Variants in CNGA1 observed in about 807,000 individuals in gnomAD.
CNGA1 encodes the protein cyclic nucleotide gated channel subunit alpha 1, also known as cyclic nucleotide-gated channel alpha-1.
In CNGA1, 53 loss-of-function variants were observed where a neutral mutation model predicts 69.7. The observed-to-expected ratio is 0.76, with a 90% CI of 0.61 to 0.96. The LOEUF (loss-of-function observed/expected upper bound fraction) is 0.96, where lower values mean the gene tolerates loss of function less well. Ranked by LOEUF, CNGA1 falls within the 40% of genes least tolerant of loss-of-function variation. CNGA1 has a pLI of 0.00. For synonymous variants in CNGA1, 249 were observed against 283.5 expected (o/e 0.88, Z 1.22); for missense variants, 739 against 811.2 (o/e 0.91, Z 1.08).
intron 9 of CNGA1, among the ~76,000 whole-genome samples, chr4:47,941,400 T>G (rs577186545): frequency 2.6e-5 from 4 of 152,352 alleles, no homozygotes; most frequent in African/African-American, 7.2e-5. Flanking sequence ...AGGTTCGTAT[T>G]GACTATCTGT....
intron 2 of CNGA1, among the ~76,000 whole-genome samples, chr4:48,001,201 C>T (rs1248382784): frequency 1.3e-5 from 2 of 152,182 alleles, no homozygotes; most frequent in African/African-American, 2.4e-5. Context: ...CACGGTGGCT[C>T]AGGCCTGTAA....
chr4:47,977,828 AT>A (rs11415776), intron 3 of CNGA1, among the ~76,000 whole-genome samples: 14 of 148,574 alleles, frequency 9.4e-5, no homozygotes, highest in Middle Eastern at 3.5e-3. Context: ...CATTTAAGTG[AT>A]TTTTTTTTTT....
intron 2 of CNGA1, among the ~76,000 whole-genome samples, chr4:48,003,863 C>G (rs1276857143): frequency 2.0e-5 from 3 of 152,162 alleles, no homozygotes; most frequent in African/African-American, 4.8e-5. Context: ...CAAGGAAAAA[C>G]ACCTGCTACT....
At chr4:47,999,654 T>C (rs1053239675) in intron 2 of CNGA1, among the ~76,000 whole-genome samples, 3 of 152,138 alleles carry the variant, frequency 2.0e-5, no homozygotes, top group Non-Finnish European at 4.4e-5. Context: ...GTGGATCACC[T>C]GAGGTCAGGA....
At chr4:47,940,996 G>C in intron 9 of CNGA1, 127 bp from the exon 10 acceptor site, 1 of 645,518 alleles carries the variant, frequency 1.5e-6, no homozygotes, top group East Asian at 2.8e-5. Flanking sequence ...GAGGTCCTTA[G>C]AGTCCTTTAA....
rs1178750869 is a variant in CNGA1 at position 47,936,037 on chromosome 4, T to G, written c.*384A>C. On this transcript the variant is annotated 3_prime_UTR_variant, in exon 11 of 11. Transcript: ENST00000514170. ...TTTAAAAATGTTATCCCAAATATGA[T>G]GTACATGGTAATTCTCAGTTACTTC... The G allele has an allele frequency of 4.9e-6, 1 of 202,318 alleles. No homozygotes were observed. Among genetic ancestry groups the G allele is most frequent in the African/African-American group, 2.3e-5 (1 of 42,704 alleles). The allele number at this position is 202,318 out of a possible 1,614,324, so 12.5% of individuals were successfully genotyped here.
chr4:47,996,953 A>C (rs1473411388), intron 2 of CNGA1, among the ~76,000 whole-genome samples: 2 of 152,060 alleles, frequency 1.3e-5, no homozygotes, highest in Non-Finnish European at 2.9e-5. Flanking sequence ...CCAGCTACTC[A>C]GGAGGCTGAG....
intron 3 of CNGA1, among the ~76,000 whole-genome samples, chr4:47,963,544 A>G (rs1482865147): frequency 6.6e-6 from 1 of 152,220 alleles, no homozygotes; most frequent in Non-Finnish European, 1.5e-5. Context: ...CCTGAATAAC[A>G]TTTGCTTCAC....
chr4:47,959,760 T>C (rs1453744397), intron 3 of CNGA1, among the ~76,000 whole-genome samples: 1 of 152,110 alleles, frequency 6.6e-6, no homozygotes, highest in Non-Finnish European at 1.5e-5. Flanking sequence ...CCTGCCACCA[T>C]GCCTGGCTAA....
intron 9 of CNGA1, among the ~76,000 whole-genome samples, chr4:47,941,501 A>G (rs1739074944): frequency 6.6e-6 from 1 of 152,188 alleles, no homozygotes. Flanking sequence ...TTTTTCCACT[A>G]TTGGCAACAT....
chr4:47,959,825 C>T (rs1195124041), intron 3 of CNGA1, among the ~76,000 whole-genome samples: 1 of 152,138 alleles, frequency 6.6e-6, no homozygotes, highest in Non-Finnish European at 1.5e-5. Flanking sequence ...AGGTTGCTCT[C>T]AAACTCCTGA....
chr4:48,007,892 A>G (rs1383551477), intron 2 of CNGA1, among the ~76,000 whole-genome samples: 1 of 152,212 alleles, frequency 6.6e-6, no homozygotes, highest in Non-Finnish European at 1.5e-5. Context: ...GAAGTTGAGG[A>G]AACAAAAACT....
In CNGA1 at chr4:47,937,637, T is replaced by C; in HGVS notation, c.845A>G (p.Gln282Arg). Residue 282 changes from glutamine to arginine, a missense_variant, in exon 11 of 11, where the codon CAG (glutamine) becomes CGG (arginine). By Grantham distance (43) the Gln-to-Arg change is conservative (BLOSUM62 1). Transcript: ENST00000514170. ...LRFSRMFEFF[Q>R]RTETRTNYPN... is the part of the protein sequence containing the mutation. ...ATAGTTTGTCCTTGTTTCTGTTCTCTGGAAGAACTCAAACATACGAGAGAA... is the reference window on the plus strand; with the variant it reads ...ATAGTTTGTCCTTGTTTCTGTTCTCCGGAAGAACTCAAACATACGAGAGAA... The C allele has an allele frequency of 6.2e-7, 1 of 1,614,192 alleles. No individual in the cohort carries two copies.
chr4:48,016,197 C>T (rs914843398), intron 1 of CNGA1, among the ~76,000 whole-genome samples: 1 of 152,120 alleles, frequency 6.6e-6, no homozygotes, highest in African/African-American at 2.4e-5. Context: ...GAGTTGCCTG[C>T]TGGAGACAGA....
intron 10 of CNGA1, among the ~76,000 whole-genome samples, chr4:47,938,344 C>A (rs975831340): frequency 2.0e-5 from 3 of 151,200 alleles, no homozygotes; most frequent in African/African-American, 7.3e-5. Context: ...TGGTCCCTGG[C>A]ACAGAACTCT....
chr4:47,985,654 ACT>A (rs922821877), intron 2 of CNGA1, among the ~76,000 whole-genome samples: 6 of 151,696 alleles, frequency 4.0e-5, no homozygotes, highest in African/African-American at 7.3e-5. Flanking sequence ...ATACACACAC[ACT>A]CTCTCTCTCC....
At chr4:47,953,871 C>T (rs1405336626) in intron 3 of CNGA1, among the ~76,000 whole-genome samples, 2 of 152,022 alleles carry the variant, frequency 1.3e-5, no homozygotes, top group Middle Eastern at 6.3e-3. Flanking sequence ...AGAGTGGGGT[C>T]CCCGGCGAGG....
intron 1 of CNGA1, among the ~76,000 whole-genome samples, chr4:48,014,182 T>C (rs1187862735): frequency 1.3e-5 from 2 of 152,226 alleles, no homozygotes; most frequent in Non-Finnish European, 2.9e-5. Context: ...TTTTTAATGC[T>C]CTTCTTTTAG....
intron 6 of CNGA1, among the ~76,000 whole-genome samples, chr4:47,949,164 G>A (rs887816931): frequency 1.3e-5 from 2 of 152,238 alleles, no homozygotes; most frequent in African/African-American, 4.8e-5. Flanking sequence ...CACTTGCCAA[G>A]AGTGTTGGTT....
Sources: gnomAD v4.1 joint callset for allele counts (sites outside exome capture counted in the v4.1 genomes callset) on GRCh38, gnomAD v4.1.1 for gene constraint, MANE v1.5 for transcripts, NCBI Gene and HGNC (gene_info 2026-07-23, HGNC 2026-07-21) for gene names.